KIF5C: variants seen among roughly 807,000 people sequenced by gnomAD.
The protein encoded by KIF5C is kinesin family member 5C.
KIF5C carries 18 observed loss-of-function variants against 125.2 expected under a neutral mutation model. That is an observed-to-expected ratio of 0.14 (90% CI 0.10 to 0.21). The LOEUF (loss-of-function observed/expected upper bound fraction) is 0.21, where lower values mean the gene tolerates loss of function less well. KIF5C is among the 10% of genes least tolerant of loss of function. The probability of loss-of-function intolerance (pLI) is 1.00; values close to 1 mark genes in which losing one functional copy is unlikely to be tolerated. For missense variants in KIF5C, 780 were observed against 1,183.8 expected (o/e 0.66, Z 5.01); for synonymous variants, 405 against 434.0 (o/e 0.93, Z 0.83).
At chr2:148,998,203 G>T in intron 18 of KIF5C, 197 bp from the exon 19 acceptor site, 2 of 869,560 alleles carry the variant, frequency 2.3e-6, no homozygotes, top group South Asian at 1.9e-5. Context: ...AACTTGGTTT[G>T]ATAACAGATC....
In KIF5C at chr2:149,023,220, G is replaced by A. The variant is rs543743264; in HGVS notation, c.*150G>A. ...AGTTTCAGGTCTTTTGAGCTGTGTA[G>A]AGTTTCTGTGTGTACAGATGTGTGC... On this transcript the variant is annotated 3_prime_UTR_variant, in exon 26 of 26. Transcript: ENST00000435030. The A allele has an allele frequency of 6.6e-6, 1 of 152,192 alleles. No homozygotes were observed. The highest frequency in any genetic ancestry group is 2.1e-4 in the South Asian group (1 of 4,818). 9.4% of individuals were successfully genotyped at this position (152,192 alleles called of 1,614,324 possible). A position where few individuals can be genotyped will look rare whatever the true frequency, so the allele number is the denominator to read the frequency against.
intron 15 of KIF5C, among the ~76,000 whole-genome samples, chr2:148,990,620 T>A (rs1681499768): frequency 6.6e-6 from 1 of 152,248 alleles, no homozygotes; most frequent in Non-Finnish European, 1.5e-5. Flanking sequence ...TTTATAGGAA[T>A]TCAGCATCAC....
chr2:148,953,316 A>G (rs1329245740), intron 10 of KIF5C, among the ~76,000 whole-genome samples: 2 of 152,244 alleles, frequency 1.3e-5, no homozygotes, highest in East Asian at 3.8e-4. Context: ...TACGTCCAGA[A>G]GTTTGGTTGG....
chr2:148,998,645 G>A, intron 19 of KIF5C, 136 bp downstream of exon 19: 1 of 1,353,952 alleles, frequency 7.4e-7, no homozygotes, highest in African/African-American at 1.5e-5. Flanking sequence ...GACACAGCAG[G>A]CTGGGCGGGC....
chr2:148,993,947 G>A (rs1331637834), intron 16 of KIF5C, among the ~76,000 whole-genome samples: 2 of 152,100 alleles, frequency 1.3e-5, no homozygotes, highest in African/African-American at 2.4e-5. Flanking sequence ...GGGAGGGAAA[G>A]CTTCCAGGGA....
intron 1 of KIF5C, among the ~76,000 whole-genome samples, chr2:148,903,067 G>T (rs1165950762): frequency 1.4e-4 from 22 of 152,138 alleles, no homozygotes; most frequent in Admixed American, 1.4e-3. Flanking sequence ...GTGTGCTGTG[G>T]CTGAAGAGTG....
At chr2:148,929,813 G>T (rs1054807781) in intron 3 of KIF5C, among the ~76,000 whole-genome samples, 1 of 150,912 alleles carries the variant, frequency 6.6e-6, no homozygotes, top group Non-Finnish European at 1.5e-5. Context: ...TGGACTGCAC[G>T]GTATTTTTTT....
At chr2:148,886,079 G>A (rs1681516862) in intron 1 of KIF5C, 1 of 152,186 alleles carries the variant, frequency 6.6e-6, no homozygotes. Flanking sequence ...CAACTCCATC[G>A]ATATTAGAAA....
chr2:148,982,940 C>T (rs867949187), intron 14 of KIF5C, among the ~76,000 whole-genome samples: 2 of 152,148 alleles, frequency 1.3e-5, no homozygotes, highest in African/African-American at 4.8e-5. Context: ...GTTAAGAATA[C>T]ATACCTTTTG....
chr2:149,018,528 C>A (rs1461830435), intron 25 of KIF5C, among the ~76,000 whole-genome samples: 2 of 152,178 alleles, frequency 1.3e-5, no homozygotes, highest in African/African-American at 4.8e-5. Flanking sequence ...ACCTTTTCTC[C>A]TCTTAAAAAG....
At chr2:148,927,550 G>T (rs1214322609) in intron 2 of KIF5C, among the ~76,000 whole-genome samples, 9 of 151,964 alleles carry the variant, frequency 5.9e-5, no homozygotes, top group Non-Finnish European at 1.2e-4. Context: ...TGGTAATTTC[G>T]AATAAATGGA....
intron 25 of KIF5C, among the ~76,000 whole-genome samples, chr2:149,017,595 C>CA (rs1682402445): frequency 6.6e-6 from 1 of 152,172 alleles, no homozygotes; most frequent in Non-Finnish European, 1.5e-5. Flanking sequence ...GCCAGTAGGG[C>CA]ATTGCTGAAA....
rs191249294 is a variant in KIF5C at position 148,976,941 on chromosome 2, A to C, written c.1294-1981A>C. Among the ~76,000 whole-genome samples, 677 of 152,330 alleles carry C rather than the reference A, an allele frequency of 4.4e-3. 3 individuals carry two copies. Among genetic ancestry groups the C allele is most frequent in the Admixed American group, 7.3e-3 (112 of 15,296 alleles). On this transcript the variant is annotated intron_variant, in intron 12 of 25. Transcript: ENST00000435030. ...AAATACTTTCTGAAAAGTGCTTTAA[A>C]ATCTGTTATCCATGGACAAGATCTT...
chr2:149,008,772 C>T (rs1418264741), intron 23 of KIF5C, among the ~76,000 whole-genome samples: 4 of 152,078 alleles, frequency 2.6e-5, no homozygotes, highest in East Asian at 1.9e-4. Context: ...ACCACATGGC[C>T]GAGGAGATGT....
At chr2:148,943,212 AAAAG>A (rs1188909527) in intron 7 of KIF5C, among the ~76,000 whole-genome samples, 1 of 152,214 alleles carries the variant, frequency 6.6e-6, no homozygotes, top group Non-Finnish European at 1.5e-5. Context: ...GTAAAAAAGA[AAAAG>A]AAAGGGAAGA....
At position 148,875,587 on chromosome 2, in the gene KIF5C, T is replaced by TCCCCCTGCCCCCC; in HGVS notation, c.-27_-26insCTGCCCCCCCCCC. ...GTTCCCGGCCCCGGCCCCCCACCCA[T>TCCCCCTGCCCCCC]CCCCGTGCCCCCTCCCTACCGCCGG... On this transcript the variant is annotated 5_prime_UTR_variant, in exon 1 of 26. Transcript: ENST00000435030. The TCCCCCTGCCCCCC allele has an allele frequency of 2.7e-6, 1 of 366,936 alleles. No homozygotes were observed. Among genetic ancestry groups the TCCCCCTGCCCCCC allele is most frequent in the Non-Finnish European group, 5.0e-6 (1 of 201,708 alleles). 22.7% of individuals were successfully genotyped at this position (366,936 alleles called of 1,614,324 possible). A position where few individuals can be genotyped will look rare whatever the true frequency, so the allele number is the denominator to read the frequency against.
At chr2:148,908,213 A>G (rs972954363) in intron 1 of KIF5C, among the ~76,000 whole-genome samples, 1 of 152,226 alleles carries the variant, frequency 6.6e-6, no homozygotes, top group African/African-American at 2.4e-5. Context: ...AAAGAAATGC[A>G]TCAGAGACAG....
At chr2:148,911,996 T>G (rs1424684140) in intron 1 of KIF5C, among the ~76,000 whole-genome samples, 1 of 152,136 alleles carries the variant, frequency 6.6e-6, no homozygotes, top group African/African-American at 2.4e-5. Flanking sequence ...TTCCTCCCCA[T>G]CCCAACTTCA....
At chr2:148,878,378 G>C (rs1002471366) in intron 1 of KIF5C, 4 of 152,180 alleles carry the variant, frequency 2.6e-5, no homozygotes, top group Non-Finnish European at 1.5e-5. Flanking sequence ...TAAGTGTTAT[G>C]CTTGTCAAAT....
Sources: allele counts gnomAD v4.1 joint callset (sites outside exome capture counted in the v4.1 genomes callset), GRCh38; gene constraint gnomAD v4.1.1; transcripts MANE v1.5; gene names NCBI Gene and HGNC (gene_info 2026-07-23, HGNC 2026-07-21).